Variants in ADAMTS17 observed in about 807,000 individuals in gnomAD.
ADAMTS17 encodes the protein ADAM metallopeptidase with thrombospondin type 1 motif 17.
A neutral mutation model predicts 141.5 loss-of-function variants in ADAMTS17; 113 were observed. The observed-to-expected ratio is 0.80, with a 90% CI of 0.69 to 0.93. The LOEUF (loss-of-function observed/expected upper bound fraction) is 0.93. Ranked by LOEUF, ADAMTS17 falls within the 40% of genes least tolerant of loss-of-function variation. The pLI is 0.00. For synonymous variants in ADAMTS17, 768 were observed against 630.6 expected (o/e 1.22, Z -3.27); for missense variants, 1,659 against 1,517.9 (o/e 1.09, Z -1.54).
intron 15 of ADAMTS17, among the ~76,000 whole-genome samples, chr15:100,071,944 T>C (rs1451192109): frequency 1.3e-5 from 2 of 149,988 alleles, no homozygotes. Context: ...GGTATTCAAT[T>C]AGGAAAAGAG....
intron 4 of ADAMTS17, among the ~76,000 whole-genome samples, chr15:100,274,825 G>A (rs1052660255): frequency 2.0e-5 from 3 of 148,012 alleles, no homozygotes; most frequent in Non-Finnish European, 3.0e-5. Context: ...TTTTTTTTTG[G>A]TAGTGAAACT....
intron 13 of ADAMTS17, among the ~76,000 whole-genome samples, chr15:100,114,297 T>G (rs1334801142): frequency 6.6e-6 from 1 of 152,062 alleles, no homozygotes; most frequent in African/African-American, 2.4e-5. Context: ...ATAATGGGCT[T>G]CAGAAGAGCC....
intron 18 of ADAMTS17, among the ~76,000 whole-genome samples, chr15:100,015,928 C>G (rs2466952): frequency 0.17 from 25,322 of 152,142 alleles, 5,844 homozygotes; most frequent in African/African-American, 0.52. Context: ...GCAAGGCTGG[C>G]GAAGTATTCC....
At chr15:99,975,521 G>A (rs772829367) in intron 21 of ADAMTS17, among the ~76,000 whole-genome samples, 2 of 151,926 alleles carry the variant, frequency 1.3e-5, no homozygotes, top group Admixed American at 6.5e-5. Context: ...AGATCTTTAA[G>A]TGCTCTTCTT....
At chr15:100,042,462 T>C (rs560712040) in intron 18 of ADAMTS17, among the ~76,000 whole-genome samples, 2 of 152,320 alleles carry the variant, frequency 1.3e-5, no homozygotes, top group East Asian at 3.9e-4. Flanking sequence ...CACAATTTCA[T>C]GGGTAGAAGA....
chr15:100,194,121 C>T (rs191148118), intron 8 of ADAMTS17, among the ~76,000 whole-genome samples: 2 of 152,316 alleles, frequency 1.3e-5, no homozygotes, highest in East Asian at 1.9e-4. Flanking sequence ...GAGTGGGTGG[C>T]GGATAGTTCA....
At chr15:100,297,333 G>A (rs1289899471) in intron 3 of ADAMTS17, among the ~76,000 whole-genome samples, 1 of 152,152 alleles carries the variant, frequency 6.6e-6, no homozygotes, top group African/African-American at 2.4e-5. Context: ...CTGGGAGCAG[G>A]GGGATGCCAC....
chr15:100,048,155 A>G (rs959235549), intron 18 of ADAMTS17, among the ~76,000 whole-genome samples: 1 of 152,208 alleles, frequency 6.6e-6, no homozygotes. Flanking sequence ...GAAAAGGTCA[A>G]TATGCCTCAA....
intron 8 of ADAMTS17, among the ~76,000 whole-genome samples, chr15:100,196,830 C>T (rs1298716144): frequency 6.6e-6 from 1 of 152,338 alleles, no homozygotes; most frequent in East Asian, 1.9e-4. Flanking sequence ...ACGGGGAGGA[C>T]ATAGCTTCAT....
At chr15:100,275,140 T>G (rs1287337049) in intron 4 of ADAMTS17, among the ~76,000 whole-genome samples, 2 of 152,200 alleles carry the variant, frequency 1.3e-5, no homozygotes. Flanking sequence ...CACAGAGTCC[T>G]AAAAGGCAGA....
intron 15 of ADAMTS17, among the ~76,000 whole-genome samples, chr15:100,059,442 A>G (rs2032937259): frequency 6.8e-6 from 1 of 146,062 alleles, no homozygotes; most frequent in Non-Finnish European, 1.5e-5. Context: ...AGGTCAGCAG[A>G]GCCAGGAGGC....
In ADAMTS17 at chr15:100,328,266, C is replaced by A. The variant is rs143696228; in HGVS notation, c.616+2623G>T. Among the ~76,000 whole-genome samples, 720 of 152,266 alleles carry A rather than the reference C, an allele frequency of 4.7e-3. 5 individuals are homozygous for A. Among genetic ancestry groups the A allele is most frequent in the African/African-American group, 0.016 (677 of 41,536 alleles). On this transcript the variant is annotated intron_variant, in intron 3 of 21. Transcript: ENST00000268070. ...ATTAATTTTCCCGATTTCTAAACTC[C>A]TGATGTTTGAAAGCTAATCCAAACT...
Position 100,201,335 on chromosome 15 carries a change from C to T in ADAMTS17, c.1076-1912G>A, listed in dbSNP as rs2041324485. On this transcript the variant is annotated intron_variant, in intron 7 of 21. Coordinates refer to ENST00000268070, the MANE Select transcript of ADAMTS17 (RefSeq NM_139057.4). ...GGAGTGTTTGGTAGTTCTTCCCCTCCCCCCTCTCTCCTGCTGCACTGTGAA... is the reference window on the plus strand; with the variant it reads ...GGAGTGTTTGGTAGTTCTTCCCCTCTCCCCTCTCTCCTGCTGCACTGTGAA... 2.0e-5 allele frequency among the ~76,000 whole-genome samples: 3 copies of T among 150,674 alleles called. No homozygotes were observed. The South Asian group carries it at 6.7e-4, about 33-fold the overall frequency.
intron 13 of ADAMTS17, among the ~76,000 whole-genome samples, chr15:100,110,876 C>G (rs11854473): frequency 0.16 from 23,748 of 152,128 alleles, 2,061 homozygotes; most frequent in Admixed American, 0.22. Context: ...CCTGTCAGAG[C>G]AGACGTGCTG....
intron 12 of ADAMTS17, 145 bp downstream of exon 12, chr15:100,131,862 G>T (rs2038061830): frequency 1.6e-6 from 2 of 1,246,908 alleles, no homozygotes; most frequent in South Asian, 1.4e-5. Context: ...CGAGGTCCCT[G>T]CACCCTGGAC....
At chr15:100,039,092 C>A (rs965000920) in intron 18 of ADAMTS17, among the ~76,000 whole-genome samples, 1 of 152,220 alleles carries the variant, frequency 6.6e-6, no homozygotes, top group African/African-American at 2.4e-5. Flanking sequence ...GGTCAGTAGT[C>A]ACATTCCTGC....
chr15:100,005,545 C>T (rs368347290), intron 18 of ADAMTS17, among the ~76,000 whole-genome samples: 4 of 152,238 alleles, frequency 2.6e-5, no homozygotes, highest in South Asian at 2.1e-4. Context: ...TGTGTCACTC[C>T]GACCTTCTCT....
chr15:100,073,842 C>A (rs1290504935), intron 15 of ADAMTS17, among the ~76,000 whole-genome samples: 2 of 151,506 alleles, frequency 1.3e-5, no homozygotes, highest in East Asian at 3.9e-4. Context: ...TGCAGCACAC[C>A]AACATGGCAC....
rs979460605 is a variant in ADAMTS17, at chr15:100,207,853, A to C, written c.1076-8430T>G. 2.6e-5 allele frequency among the ~76,000 whole-genome samples: 4 copies of C among 152,276 alleles called. No individual in the cohort carries two copies. The South Asian group carries it at 6.2e-4, about 24-fold the overall frequency. On this transcript the variant is annotated intron_variant, in intron 7 of 21. Transcript: ENST00000268070. The stretch of plus-strand genomic sequence containing the variant: ...ATGACAACATGCCAAACGTGGACCC[A>C]TCACTCACGTCATTGGCCATTTCTA...
Sources: allele counts gnomAD v4.1 joint callset (sites outside exome capture counted in the v4.1 genomes callset), GRCh38; gene constraint gnomAD v4.1.1; transcripts MANE v1.5; gene names NCBI Gene and HGNC (gene_info 2026-07-23, HGNC 2026-07-21).